TUSC3: variants seen among roughly 807,000 people sequenced by gnomAD.
TUSC3 encodes dolichyl-diphosphooligosaccharide--protein glycosyltransferase subunit TUSC3.
Under a neutral mutation model 44.8 loss-of-function variants are expected in TUSC3, and 45 were observed. The observed-to-expected ratio is 1.00, with a 90% CI of 0.79 to 1.29. TUSC3 has a LOEUF of 1.29. TUSC3 is among the 50% of genes most tolerant of loss of function. The pLI, the probability that TUSC3 is intolerant of heterozygous loss-of-function variation, is 0.00. For missense variants in TUSC3, 519 were observed against 437.9 expected (o/e 1.19, Z -1.65); for synonymous variants, 212 against 152.9 (o/e 1.39, Z -2.85).
At chr8:15,566,602 T>C (rs1158096454) in intron 1 of TUSC3, among the ~76,000 whole-genome samples, 2 of 137,024 alleles carry the variant, frequency 1.5e-5, no homozygotes, top group African/African-American at 5.2e-5. Context: ...AGAAGACACA[T>C]TTTTTTGTTG....
chr8:15,686,983 G>A (rs1441278707), intron 6 of TUSC3, among the ~76,000 whole-genome samples: 1 of 152,152 alleles, frequency 6.6e-6, no homozygotes, highest in African/African-American at 2.4e-5. Flanking sequence ...TGAGGCAGGA[G>A]AATGGCCTGA....
chr8:15,517,498 A>G (rs1026370120), intron 2 of TUSC3, among the ~76,000 whole-genome samples: 1 of 131,804 alleles, frequency 7.6e-6, no homozygotes, highest in Non-Finnish European at 1.5e-5. Context: ...TGCTTGTGAG[A>G]GCTTCCTAAC....
At chr8:15,602,223 GCCTATATATAGGCCTT>G (rs2129154938) in intron 1 of TUSC3, among the ~76,000 whole-genome samples, 1 of 151,704 alleles carries the variant, frequency 6.6e-6, no homozygotes, top group East Asian at 1.9e-4. Context: ...GGGATACTCA[GCCTATATATAGGCCTT>G]CCTTTTTGAA....
intron 1 of TUSC3, among the ~76,000 whole-genome samples, chr8:15,456,227 G>T (rs1412989575): frequency 6.6e-6 from 1 of 152,128 alleles, no homozygotes; most frequent in Middle Eastern, 3.2e-3. Flanking sequence ...CTCCTGGCAT[G>T]ACTGGCCTCA....
chr8:15,427,446 C>G (rs964539090), intron 1 of TUSC3, among the ~76,000 whole-genome samples: 1 of 152,000 alleles, frequency 6.6e-6, no homozygotes, highest in Non-Finnish European at 1.5e-5. Context: ...ACACCAGAAA[C>G]TGGTAATGAG....
At chr8:15,748,547 G>C in intron 9 of TUSC3, 82 bp downstream of exon 9, 1 of 1,271,832 alleles carries the variant, frequency 7.9e-7, no homozygotes, top group Non-Finnish European at 1.1e-6. Flanking sequence ...AATTAAGGAT[G>C]AATGTAAAGT....
At chr8:15,845,393 A>G in the TUSC3 span, among the ~76,000 whole-genome samples, 1 of 152,178 alleles carries the variant, frequency 6.6e-6, no homozygotes, top group Admixed American at 6.6e-5. Flanking sequence ...CTAGAATTGT[A>G]TGAAAATTTG....
the TUSC3 span, among the ~76,000 whole-genome samples, chr8:15,798,158 A>G: frequency 2.6e-5 from 4 of 152,336 alleles, no homozygotes; most frequent in South Asian, 8.3e-4. Context: ...ACAAAGAAGT[A>G]CAATCATATA....
At chr8:15,622,819 T>TA (rs1420088735) in intron 1 of TUSC3, among the ~76,000 whole-genome samples, 2 of 151,730 alleles carry the variant, frequency 1.3e-5, no homozygotes, top group East Asian at 3.9e-4. Context: ...TCTTTTTTTT[T>TA]ATGTCAACCC....
intron 2 of TUSC3, among the ~76,000 whole-genome samples, chr8:15,512,278 A>G (rs1801147509): frequency 6.6e-6 from 1 of 152,168 alleles, no homozygotes; most frequent in South Asian, 2.1e-4. Context: ...TACTCACCAT[A>G]ACGAGGGTGG....
downstream of TUSC3, among the ~76,000 whole-genome samples, chr8:15,767,217 G>A (rs1812357620): frequency 1.3e-5 from 2 of 151,950 alleles, no homozygotes; most frequent in South Asian, 4.1e-4. Flanking sequence ...ATTCCTCTAT[G>A]TCTGAAATAC....
intron 2 of TUSC3, 61 bp from the exon 3 acceptor site, chr8:15,650,636 A>T: frequency 6.9e-7 from 1 of 1,446,816 alleles, no homozygotes. Context: ...CTGTTTTAAT[A>T]ACTGCTTTGT....
Position 15,499,718 on chromosome 8 carries a change from G to C in TUSC3, n.189+16235G>C, listed in dbSNP as rs79583004. The stretch of plus-strand genomic sequence containing the variant: ...GTGTTTCTGGATGAAATTAGCATTT[G>C]AATTGGTAGACTGAGCTTTCTGCCT... On this transcript the variant is annotated intron_variant and non_coding_transcript_variant, in intron 2 of 5. Coordinates refer to the TUSC3 transcript ENST00000503191. Among the ~76,000 whole-genome samples the C allele has an allele frequency of 7.5e-3, 1,141 of 152,276 alleles. 17 individuals carry two copies. The highest frequency in any genetic ancestry group is 0.027 in the Middle Eastern group (8 of 294).
At chr8:15,455,543 T>C (rs192625509) in intron 1 of TUSC3, among the ~76,000 whole-genome samples, 1 of 152,318 alleles carries the variant, frequency 6.6e-6, no homozygotes, top group East Asian at 1.9e-4. Flanking sequence ...GGCACACATA[T>C]ATATGCATTT....
chr8:15,665,952 C>A (rs552221363), intron 5 of TUSC3, among the ~76,000 whole-genome samples: 2 of 151,420 alleles, frequency 1.3e-5, no homozygotes, highest in South Asian at 2.1e-4. Context: ...TCCCTCACCC[C>A]CTAAACACGG....
intron 1 of TUSC3, among the ~76,000 whole-genome samples, chr8:15,555,554 C>T (rs1045042996): frequency 1.3e-5 from 2 of 151,362 alleles, no homozygotes; most frequent in African/African-American, 2.4e-5. Context: ...CTTGGCCTCC[C>T]AGAGTGCTGG....
chr8:15,526,891 A>G (rs1219285762), intron 2 of TUSC3, among the ~76,000 whole-genome samples: 1 of 152,158 alleles, frequency 6.6e-6, no homozygotes, highest in African/African-American at 2.4e-5. Flanking sequence ...AAGATAAAGT[A>G]CCCATAATGA....
At chr8:15,736,864 G>A (rs953404277) in intron 7 of TUSC3, among the ~76,000 whole-genome samples, 1 of 152,098 alleles carries the variant, frequency 6.6e-6, no homozygotes. Flanking sequence ...CTCTCTGTAT[G>A]AGTGGATATA....
intron 2 of TUSC3, among the ~76,000 whole-genome samples, chr8:15,531,907 A>G (rs930074934): frequency 6.6e-6 from 1 of 152,212 alleles, no homozygotes; most frequent in Admixed American, 6.5e-5. Flanking sequence ...TTACCATCAA[A>G]GAAAAAGGAA....
Sources: allele counts gnomAD v4.1 joint callset (sites outside exome capture counted in the v4.1 genomes callset), GRCh38; gene constraint gnomAD v4.1.1; transcripts MANE v1.5; gene names NCBI Gene and HGNC (gene_info 2026-07-23, HGNC 2026-07-21).